The following MARCHF1 variants were observed in gnomAD, a reference collection of about 807,000 sequenced individuals.
MARCHF1 encodes the protein membrane associated ring-CH-type finger 1.
Under a neutral mutation model 54.2 loss-of-function variants are expected in MARCHF1, and 40 were observed. The ratio of observed to expected loss-of-function variants is 0.74; its 90% CI spans 0.57 to 0.96. MARCHF1 has a LOEUF of 0.96. Ranked by LOEUF, MARCHF1 falls within the 40% of genes least tolerant of loss-of-function variation. The pLI, the probability that MARCHF1 is intolerant of heterozygous loss-of-function variation, is 0.00. For synonymous variants in MARCHF1, 236 were observed against 236.3 expected (o/e 1.00, Z 0.01); for missense variants, 586 against 656.5 (o/e 0.89, Z 1.17).
At position 164,221,996 on chromosome 4, in the gene MARCHF1, T is replaced by A. The variant is rs572795487; in HGVS notation, c.-322-110334A>T. ...CAGGGTTCAGGTAGTGAAGAAAAAATTGGACCTGGTGTGACAAGATGATGG... is the reference window on the plus strand; with the variant it reads ...CAGGGTTCAGGTAGTGAAGAAAAAAATGGACCTGGTGTGACAAGATGATGG... On this transcript the variant is annotated intron_variant, in intron 1 of 9. Coordinates refer to ENST00000514618, the MANE Select transcript of MARCHF1 (RefSeq NM_001394959.1). 2.8e-5 allele frequency among the ~76,000 whole-genome samples: 4 copies of A among 144,560 alleles called. No individual in the cohort carries two copies. The East Asian group carries it at 8.0e-4, about 29-fold the overall frequency. 94.8% of individuals were successfully genotyped at this position (144,560 alleles called of 152,430 possible).
At chr4:163,750,510 C>CAAAA in intron 4 of MARCHF1, among the ~76,000 whole-genome samples, 1 of 88,878 alleles carries the variant, frequency 1.1e-5, no homozygotes, top group Admixed American at 1.2e-4. Context: ...GACTCTGTCT[C>CAAAA]AAAAAATAAA....
At chr4:164,207,521 AC>A (rs1398802632) in intron 1 of MARCHF1, among the ~76,000 whole-genome samples, 2 of 152,200 alleles carry the variant, frequency 1.3e-5, no homozygotes, top group Non-Finnish European at 2.9e-5. Context: ...TTAAAGAGAA[AC>A]CAGTTTTGAC....
At chr4:164,223,566 G>GA (rs1392049912) in intron 1 of MARCHF1, among the ~76,000 whole-genome samples, 1 of 151,858 alleles carries the variant, frequency 6.6e-6, no homozygotes, top group Non-Finnish European at 1.5e-5. Flanking sequence ...GATCCAAAGA[G>GA]AAAAAATGTC....
intron 5 of MARCHF1, among the ~76,000 whole-genome samples, chr4:163,624,059 G>C (rs1337872902): frequency 6.6e-6 from 1 of 152,190 alleles, no homozygotes; most frequent in African/African-American, 2.4e-5. Flanking sequence ...TGGATGAGGT[G>C]CAAGTGGGTG....
chr4:163,730,142 ATTCT>A (rs1037010562), intron 4 of MARCHF1, among the ~76,000 whole-genome samples: 62 of 152,018 alleles, frequency 4.1e-4, no homozygotes, highest in Admixed American at 3.3e-4. Context: ...AAGTTTGCTG[ATTCT>A]TTCTTCTGTC....
At chr4:163,732,043 C>G (rs1422929769) in intron 4 of MARCHF1, among the ~76,000 whole-genome samples, 1 of 152,010 alleles carries the variant, frequency 6.6e-6, no homozygotes, top group East Asian at 1.9e-4. Context: ...TAAATAATTA[C>G]TAGGTATGCA....
At chr4:163,700,972 A>G in intron 4 of MARCHF1, 109 bp from the exon 5 acceptor site, 1 of 737,656 alleles carries the variant, frequency 1.4e-6, no homozygotes, top group Middle Eastern at 2.6e-4. Flanking sequence ...AATGCTCTCT[A>G]TATTGTTTTG....
intron 5 of MARCHF1, among the ~76,000 whole-genome samples, chr4:163,694,509 A>G (rs1304286913): frequency 6.6e-6 from 1 of 152,174 alleles, no homozygotes; most frequent in Non-Finnish European, 1.5e-5. Context: ...TTTACATTCC[A>G]GAATCCCTAT....
At chr4:163,887,351 C>G (rs1750561273) in intron 3 of MARCHF1, among the ~76,000 whole-genome samples, 1 of 152,026 alleles carries the variant, frequency 6.6e-6, no homozygotes, top group African/African-American at 2.4e-5. Context: ...GGAAAATGTA[C>G]TCCAGATATG....
At chr4:164,363,948 C>G (rs1730800902) in intron 1 of MARCHF1, among the ~76,000 whole-genome samples, 2 of 151,580 alleles carry the variant, frequency 1.3e-5, no homozygotes, top group African/African-American at 4.8e-5. Context: ...TATTAGAAAC[C>G]CTAATCATCA....
At chr4:163,968,417 T>C (rs1192412512) in intron 3 of MARCHF1, among the ~76,000 whole-genome samples, 4 of 152,184 alleles carry the variant, frequency 2.6e-5, no homozygotes, top group African/African-American at 9.6e-5. Context: ...CATTTGGAAA[T>C]GCATTTCACT....
At chr4:163,562,985 T>A (rs1318037579) in intron 8 of MARCHF1, among the ~76,000 whole-genome samples, 1 of 152,168 alleles carries the variant, frequency 6.6e-6, no homozygotes, top group Non-Finnish European at 1.5e-5. Context: ...ATTGAGTCCA[T>A]CTCCTTTTCT....
chr4:163,833,490 G>C (rs894224251), intron 4 of MARCHF1, among the ~76,000 whole-genome samples: 3 of 151,950 alleles, frequency 2.0e-5, no homozygotes, highest in Admixed American at 6.6e-5. Flanking sequence ...CTAATAACCA[G>C]AATCTACAAT....
chr4:163,949,364 C>T (rs1032053169), intron 3 of MARCHF1, among the ~76,000 whole-genome samples: 17 of 152,154 alleles, frequency 1.1e-4, no homozygotes, highest in African/African-American at 3.6e-4. Context: ...AACTGCAAAG[C>T]CCCAAAGAGG....
intron 8 of MARCHF1, among the ~76,000 whole-genome samples, chr4:163,558,687 G>C (rs1156354309): frequency 6.6e-6 from 1 of 152,154 alleles, no homozygotes; most frequent in African/African-American, 2.4e-5. Context: ...TTTGAAATGT[G>C]GGCTATGTTT....
At chr4:164,091,522 G>C (rs1002519352) in intron 2 of MARCHF1, among the ~76,000 whole-genome samples, 1 of 150,666 alleles carries the variant, frequency 6.6e-6, no homozygotes, top group Non-Finnish European at 1.5e-5. Context: ...TTTCCTAACA[G>C]GTGAGTTAAA....
chr4:164,229,120 G>A (rs565438367), intron 1 of MARCHF1, among the ~76,000 whole-genome samples: 1 of 152,120 alleles, frequency 6.6e-6, no homozygotes, highest in East Asian at 1.9e-4. Flanking sequence ...TTTATCAACG[G>A]AAGTATTACC....
intron 1 of MARCHF1, among the ~76,000 whole-genome samples, chr4:164,162,219 C>A (rs1351414536): frequency 6.6e-6 from 1 of 151,844 alleles, no homozygotes; most frequent in Non-Finnish European, 1.5e-5. Context: ...TGATAAAGAG[C>A]CAAATAGAAC....
At chr4:164,133,717 C>T (rs1756347122) in intron 1 of MARCHF1, among the ~76,000 whole-genome samples, 1 of 152,154 alleles carries the variant, frequency 6.6e-6, no homozygotes, top group Non-Finnish European at 1.5e-5. Context: ...AACTAAAACT[C>T]TTAAAATTTG....
Sources: allele counts gnomAD v4.1 joint callset (sites outside exome capture counted in the v4.1 genomes callset), GRCh38; gene constraint gnomAD v4.1.1; transcripts MANE v1.5; gene names NCBI Gene and HGNC (gene_info 2026-07-23, HGNC 2026-07-21).